NR3C1: variants seen among roughly 807,000 people sequenced by gnomAD.
NR3C1 encodes nuclear receptor subfamily 3 group C member 1.
Under a neutral mutation model 74.0 loss-of-function variants are expected in NR3C1, and 14 were observed. That is an observed-to-expected ratio of 0.19 (90% confidence interval 0.12 to 0.30). NR3C1 has a LOEUF of 0.30. NR3C1 is among the 10% of genes least tolerant of loss of function. The probability of loss-of-function intolerance (pLI) is 1.00; values close to 1 mark genes in which losing one functional copy is unlikely to be tolerated. For missense variants in NR3C1, 695 were observed against 909.8 expected (o/e 0.76, Z 3.04); for synonymous variants, 308 against 332.5 (o/e 0.93, Z 0.80).
chr5:143,427,722 T>A (rs1033001048), intron 1 of NR3C1, among the ~76,000 whole-genome samples: 1 of 152,224 alleles, frequency 6.6e-6, no homozygotes, highest in Non-Finnish European at 1.5e-5. Flanking sequence ...TCTGAACATG[T>A]CTCCTATGAG....
intron 2 of NR3C1, chr5:143,375,663 A>C (rs1835063385): frequency 6.6e-6 from 1 of 152,258 alleles, no homozygotes; most frequent in South Asian, 2.1e-4. Context: ...CCACTTCCAG[A>C]AAGTATAAAA....
At chr5:143,286,476 C>T (rs1814511515) in intron 7 of NR3C1, among the ~76,000 whole-genome samples, 1 of 151,982 alleles carries the variant, frequency 6.6e-6, no homozygotes, top group Non-Finnish European at 1.5e-5. Flanking sequence ...TATATTATAC[C>T]ATTATACCAT....
chr5:143,343,362 G>A (rs149640325), intron 2 of NR3C1, among the ~76,000 whole-genome samples: 310 of 152,308 alleles, frequency 2.0e-3, no homozygotes, highest in Non-Finnish European at 3.6e-3. Flanking sequence ...TGCTTGACCT[G>A]ATAGTCTCCT....
intron 1 of NR3C1, among the ~76,000 whole-genome samples, chr5:143,418,431 T>C (rs966668047): frequency 3.9e-5 from 6 of 152,192 alleles, no homozygotes. Context: ...TCTGCTTAAG[T>C]ATCTGGACTT....
intron 1 of NR3C1, among the ~76,000 whole-genome samples, chr5:143,418,183 T>G (rs764360653): frequency 6.6e-5 from 10 of 152,228 alleles, no homozygotes; most frequent in African/African-American, 1.2e-4. Flanking sequence ...TTGTCAATAT[T>G]TACCTTTTAT....
intron 1 of NR3C1, among the ~76,000 whole-genome samples, chr5:143,423,332 A>G (rs1373941906): frequency 6.6e-6 from 1 of 152,236 alleles, no homozygotes; most frequent in Non-Finnish European, 1.5e-5. Context: ...TGAATAGATG[A>G]CATACGAATG....
chr5:143,317,973 TC>T (rs982080942), intron 2 of NR3C1, among the ~76,000 whole-genome samples: 1 of 152,148 alleles, frequency 6.6e-6, no homozygotes, highest in Admixed American at 6.6e-5. Flanking sequence ...TGGGTTCAAA[TC>T]CTAGTTCCAG....
intron 4 of NR3C1, among the ~76,000 whole-genome samples, 194 bp downstream of exon 4, chr5:143,309,903 G>A (rs1396584475): frequency 6.6e-6 from 1 of 152,002 alleles, no homozygotes; most frequent in Non-Finnish European, 1.5e-5. Context: ...AAGAACTGGT[G>A]GATAAACAAA....
chr5:143,293,202 A>AAAGGAACAAAAT (rs1816346646), intron 7 of NR3C1, among the ~76,000 whole-genome samples: 2 of 152,214 alleles, frequency 1.3e-5, no homozygotes, highest in African/African-American at 2.4e-5. Flanking sequence ...TCAGCCACAA[A>AAAGGAACAAAAT]AAGGAACAAA....
In NR3C1 at chr5:143,403,353, T is replaced by C; in HGVS notation, c.-156A>G. On this transcript the variant is annotated 5_prime_UTR_variant, in exon 1 of 9. Coordinates refer to ENST00000394464, the MANE Select transcript of NR3C1 (RefSeq NM_000176.3). ...AAAAGGAAGTAAACAGCCGCCCCTT[T>C]CTCCATGGGTGGGGGGAGAGCCCCT... 1.0e-6 allele frequency: 1 copy of C among 985,328 alleles called. No individual in the cohort carries two copies. Among genetic ancestry groups the C allele is most frequent in the Non-Finnish European group, 1.2e-6 (1 of 829,930 alleles). The allele number at this position is 985,328 out of a possible 1,614,324, so 61.0% of individuals were successfully genotyped here.
At chr5:143,331,324 A>C (rs547503291) in intron 2 of NR3C1, among the ~76,000 whole-genome samples, 94 of 152,112 alleles carry the variant, frequency 6.2e-4, no homozygotes, top group African/African-American at 2.2e-3. Context: ...ATGCTTATAC[A>C]CTCCTGGTGG....
chr5:143,300,760 C>A lies in NR3C1; in HGVS notation c.1472G>T (p.Arg491Leu), dbSNP rs1818328444. Residue 491 changes from arginine (R) to leucine (L), a missense_variant, in exon 5 of 9, where the codon CGA (arginine) becomes CTA (leucine). Arg to Leu is a moderately radical substitution (Grantham distance 102, BLOSUM62 -2). Coordinates refer to ENST00000394464, the MANE Select transcript of NR3C1 (RefSeq NM_000176.3). The surrounding 1 kb of genome is among the most constrained non-coding windows in gnomAD (Gnocchi z 5.2). ...CLQAGMNLEA[R>L]KTKKKIKGIQ... ...TCCTTTTATTTTTTTCTTTGTTTTT[C>A]GAGCTGTGGGTATTTAAACAAATAC... is the stretch of plus-strand genomic sequence containing the variant. 3 of 1,613,232 alleles carry A rather than the reference C, an allele frequency of 1.9e-6. No homozygotes were observed. Among genetic ancestry groups the A allele is most frequent in the Non-Finnish European group, 8.5e-7 (1 of 1,179,716 alleles).
chr5:143,404,389 G>C, upstream of NR3C1: 3 of 985,516 alleles, frequency 3.0e-6, no homozygotes, highest in African/African-American at 1.7e-5. Flanking sequence ...GGGCCCGGGG[G>C]GAGTCGCGTG....
At chr5:143,315,319 C>T (rs895590618) in intron 2 of NR3C1, among the ~76,000 whole-genome samples, 2 of 152,060 alleles carry the variant, frequency 1.3e-5, no homozygotes, top group East Asian at 1.9e-4. Context: ...CTGTATTATG[C>T]AGCTAAAATG....
chr5:143,332,413 G>T (rs12055199), intron 2 of NR3C1, among the ~76,000 whole-genome samples: 4 of 149,434 alleles, frequency 2.7e-5, no homozygotes, highest in East Asian at 2.0e-4. Flanking sequence ...CCCGTTGGGT[G>T]GGGGGGCGGG....
chr5:143,404,574 C>A (rs1245125280), upstream of NR3C1: 21 of 971,348 alleles, frequency 2.2e-5, no homozygotes, highest in Non-Finnish European at 2.4e-5. Flanking sequence ...AAGGAGGCGC[C>A]GCCTGCCAAG....
intron 1 of NR3C1, among the ~76,000 whole-genome samples, chr5:143,421,840 G>A (rs529869438): frequency 6.6e-6 from 1 of 152,160 alleles, no homozygotes; most frequent in South Asian, 2.1e-4. Flanking sequence ...AAATAAATGT[G>A]AGTTGTTTCT....
intron 2 of NR3C1, among the ~76,000 whole-genome samples, chr5:143,339,171 C>T (rs983995410): frequency 2.0e-5 from 3 of 152,142 alleles, no homozygotes; most frequent in Non-Finnish European, 2.9e-5. Flanking sequence ...GAACCTATCT[C>T]TGTTGTTAAG....
chr5:143,361,846 A>C (rs1463604172), intron 2 of NR3C1, among the ~76,000 whole-genome samples: 1 of 152,240 alleles, frequency 6.6e-6, no homozygotes, highest in African/African-American at 2.4e-5. Context: ...CCAGTATGCT[A>C]GACAATGTAC....
Sources: allele counts gnomAD v4.1 joint callset (sites outside exome capture counted in the v4.1 genomes callset), GRCh38; gene constraint gnomAD v4.1.1; non-coding constraint Gnocchi (gnomAD v3.1); transcripts MANE v1.5; gene names NCBI Gene and HGNC (gene_info 2026-07-23, HGNC 2026-07-21).